The following RBM6 variants were observed in gnomAD, a reference collection of about 807,000 sequenced individuals.
RBM6 encodes the protein RNA-binding protein 6.
Under a neutral mutation model 140.4 loss-of-function variants are expected in RBM6, and 23 were observed. The ratio of observed to expected loss-of-function variants is 0.16; its 90% CI spans 0.12 to 0.23. The LOEUF is 0.23. RBM6 is among the 10% of genes least tolerant of loss of function. The pLI is 1.00. For missense variants in RBM6, 1,139 were observed against 1,386.7 expected, an observed-to-expected ratio of 0.82 and a Z score of 2.84; for synonymous variants, 439 against 475.6, an observed-to-expected ratio of 0.92 and a Z score of 1.00.
chr3:49,990,877 G>T (rs1258983161), intron 5 of RBM6, among the ~76,000 whole-genome samples: 7 of 152,200 alleles, frequency 4.6e-5, no homozygotes. Context: ...TAGGCAGAGA[G>T]ATGATAAAAG....
intron 4 of RBM6, among the ~76,000 whole-genome samples, chr3:49,974,912 C>T (rs1156736044): frequency 2.0e-5 from 3 of 151,812 alleles, no homozygotes; most frequent in African/African-American, 7.3e-5. Context: ...GTCTCGAACT[C>T]CTGACCTCAG....
chr3:50,077,172 G>A lies in RBM6; in HGVS notation c.*39G>A, dbSNP rs772892953. On this transcript the variant is annotated 3_prime_UTR_variant, in exon 21 of 21. Transcript: ENST00000266022. ...TTCCATGGGATACAACCTCCCTCTTGTTTTGTTTGTCTCTCCTTTTCTTTT... is the reference window on the plus strand; with the variant it reads ...TTCCATGGGATACAACCTCCCTCTTATTTTGTTTGTCTCTCCTTTTCTTTT... The A allele has an allele frequency of 7.0e-6, 11 of 1,567,514 alleles. No homozygotes were observed. The highest frequency in any genetic ancestry group is 4.3e-4 in the Middle Eastern group (2 of 4,640).
chr3:50,017,574 AAAAG>A lies in RBM6; in HGVS notation c.1557+18065_1557+18068del, dbSNP rs767620121. Reference sequence around the variant, plus strand: ...CTCTGTCTCAAAAAAAAAAAAAAGAAAAAGAAAAAAAAATGTCTATTCAGGTCCT... The same window carrying A: ...CTCTGTCTCAAAAAAAAAAAAAAGAAAAAAAAAAATGTCTATTCAGGTCCT... On this transcript the variant is annotated intron_variant, in intron 6 of 20. Transcript: ENST00000266022. Among the ~76,000 whole-genome samples, 20 of 152,052 alleles carry A rather than the reference AAAAG, an allele frequency of 1.3e-4. No individual in the cohort carries two copies. The East Asian group carries it at 2.1e-3, about 16-fold the overall frequency.
Position 49,967,867 on chromosome 3 carries a change from A to C in RBM6, c.442A>C (p.Arg148=). The change falls in exon 3 of 21, where the codon AGG becomes CGG. Residue 148 remains arginine, a synonymous_variant. Coordinates refer to ENST00000266022, the MANE Select transcript of RBM6 (RefSeq NM_005777.3). The surrounding 1 kb of genome is among the most constrained non-coding windows in gnomAD (Gnocchi z 4.0). The stretch of plus-strand genomic sequence containing the variant: ...TGGTACTTCTATGGATTATAGAGGT[A>C]GGGAGGCACCTCATATGAACTACAG... ...GDGTSMDYRG[R]EAPHMNYRDR... The C allele has an allele frequency of 6.2e-7, 1 of 1,614,142 alleles. No individual in the cohort carries two copies.
chr3:50,047,080 A>G (rs2089259991), intron 6 of RBM6: 3 of 775,550 alleles, frequency 3.9e-6, no homozygotes, highest in Non-Finnish European at 4.7e-6. Flanking sequence ...ACCTAGGTAG[A>G]TGGGCAATTT....
At chr3:50,058,719 C>T in intron 10 of RBM6, 157 bp downstream of exon 10, 1 of 667,986 alleles carries the variant, frequency 1.5e-6, no homozygotes, top group Non-Finnish European at 2.5e-6. Context: ...TCAAGACCAT[C>T]CTGGCTAACA....
chr3:49,971,902 A>G (rs887974776), intron 3 of RBM6, among the ~76,000 whole-genome samples, 157 bp from the exon 4 acceptor site: 8 of 152,222 alleles, frequency 5.3e-5, no homozygotes, highest in Admixed American at 2.6e-4. Flanking sequence ...TTGAAGTCAC[A>G]TTCTGGCACT....
At chr3:49,984,597 C>T (rs1193907634) in intron 5 of RBM6, among the ~76,000 whole-genome samples, 1 of 88,940 alleles carries the variant, frequency 1.1e-5, no homozygotes, top group Non-Finnish European at 2.3e-5. Context: ...CATCACATCA[C>T]ATCACATCAC....
chr3:49,994,264 C>T lies in RBM6; in HGVS notation c.1484-5176C>T, dbSNP rs147490476. On this transcript the variant is annotated intron_variant, in intron 5 of 20. Transcript: ENST00000266022. ...GTTTTTTTTTGTAGAGACAAGGTCT[C>T]ATTATATTGCCGAGGCTGGGACTCC... Among the ~76,000 whole-genome samples, 199 of 152,114 alleles carry T rather than the reference C, an allele frequency of 1.3e-3. 2 individuals are homozygous for T. The highest frequency in any genetic ancestry group is 3.4e-3 in the Middle Eastern group (1 of 294).
At chr3:50,024,749 C>G (rs1049596853) in intron 6 of RBM6, among the ~76,000 whole-genome samples, 3 of 152,012 alleles carry the variant, frequency 2.0e-5, no homozygotes, top group Non-Finnish European at 2.9e-5. Context: ...GTCAGGAGAT[C>G]AAGACCATCC....
At chr3:49,995,439 G>A (rs1331095550) in intron 5 of RBM6, among the ~76,000 whole-genome samples, 1 of 151,726 alleles carries the variant, frequency 6.6e-6, no homozygotes, top group African/African-American at 2.4e-5. Context: ...GCTACTGCAG[G>A]TACCTGAGGC....
chr3:50,040,493 TAC>T lies in RBM6; in HGVS notation c.1558-7729_1558-7728del, dbSNP rs1553661202. Among the ~76,000 whole-genome samples, 176 of 85,864 alleles carry T rather than the reference TAC, an allele frequency of 2.0e-3. 1 individual carries two copies. Among genetic ancestry groups the T allele is most frequent in the Non-Finnish European group, 2.8e-3 (122 of 43,216 alleles). 56.3% of individuals were successfully genotyped at this position (85,864 alleles called of 152,430 possible). A position where few individuals can be genotyped will look rare whatever the true frequency, so the allele number is the denominator to read the frequency against. Reference sequence around the variant, plus strand: ...AAAAATATATATATATATATATATATACACACACACACACACACACACACGTG... The same window carrying T: ...AAAAATATATATATATATATATATATACACACACACACACACACACACGTG... On this transcript the variant is annotated intron_variant, in intron 6 of 20. Transcript: ENST00000266022.
chr3:50,039,333 A>T (rs1241960647), intron 6 of RBM6, among the ~76,000 whole-genome samples: 1 of 152,060 alleles, frequency 6.6e-6, no homozygotes, highest in Non-Finnish European at 1.5e-5. Flanking sequence ...TCCACCTCCC[A>T]GGTTCAAGCG....
intron 6 of RBM6, among the ~76,000 whole-genome samples, chr3:50,042,757 A>T (rs2089000940): frequency 6.6e-6 from 1 of 152,064 alleles, no homozygotes; most frequent in South Asian, 2.1e-4. Flanking sequence ...TTTTTTTAAA[A>T]AAAAAAGACT....
chr3:50,035,043 C>CCTCCCCTA (rs1353921108), intron 6 of RBM6, among the ~76,000 whole-genome samples: 1 of 140,388 alleles, frequency 7.1e-6, no homozygotes, highest in Non-Finnish European at 1.6e-5. Context: ...CCTCCCCTCT[C>CCTCCCCTA]CTCCCCTACT....
intron 6 of RBM6, among the ~76,000 whole-genome samples, chr3:50,040,489 TATATACAC>T (rs1167994727): frequency 3.0e-5 from 3 of 98,932 alleles, no homozygotes; most frequent in Admixed American, 1.1e-4. Flanking sequence ...TATATATATA[TATATACAC>T]ACACACACAC....
chr3:50,068,079 A>T (rs72944416), intron 17 of RBM6, among the ~76,000 whole-genome samples: 4,903 of 152,324 alleles, frequency 0.032, 278 homozygotes, highest in African/African-American at 0.11. Flanking sequence ...GTCAGGAAAG[A>T]GGAGCCACAG....
chr3:50,039,637 A>G (rs1378986240), intron 6 of RBM6, among the ~76,000 whole-genome samples: 1 of 152,248 alleles, frequency 6.6e-6, no homozygotes, highest in East Asian at 1.9e-4. Context: ...ATACAAAATT[A>G]TAACAAGCTG....
chr3:50,015,145 C>T (rs1311855700), intron 6 of RBM6, among the ~76,000 whole-genome samples: 1 of 148,980 alleles, frequency 6.7e-6, no homozygotes, highest in Non-Finnish European at 1.5e-5. Flanking sequence ...CACGCTCTGT[C>T]ACCCAAGCTG....
Sources: gnomAD v4.1 joint callset for allele counts (sites outside exome capture counted in the v4.1 genomes callset) on GRCh38, gnomAD v4.1.1 for gene constraint, Gnocchi (gnomAD v3.1) non-coding constraint, MANE v1.5 for transcripts, NCBI Gene and HGNC (gene_info 2026-07-23, HGNC 2026-07-21) for gene names.